Variants in CACNB2 observed in about 807,000 individuals in gnomAD.
CACNB2 encodes calcium voltage-gated channel auxiliary subunit beta 2.
CACNB2 carries 42 observed loss-of-function variants against 73.3 expected under a neutral mutation model. The ratio of observed to expected loss-of-function variants is 0.57; its 90% CI spans 0.45 to 0.74. The LOEUF is 0.74. CACNB2 is among the 30% of genes least tolerant of loss of function. The pLI is 0.00. For missense variants in CACNB2, 940 were observed against 853.0 expected, an observed-to-expected ratio of 1.10 and a Z score of -1.27; for synonymous variants, 348 against 310.3, an observed-to-expected ratio of 1.12 and a Z score of -1.28.
intron 3 of CACNB2, 94 bp from the exon 4 acceptor site, chr10:18,498,261 A>C: frequency 7.0e-7 from 1 of 1,438,256 alleles, no homozygotes; most frequent in Non-Finnish European, 9.7e-7. Flanking sequence ...CAATGATTAC[A>C]GTAGTTATTC....
At position 18,541,281 on chromosome 10, in the gene CACNB2, T is replaced by C. The variant is rs1213060456; in HGVS notation, c.*1557T>C. The C allele has an allele frequency of 1.3e-5, 2 of 152,624 alleles. No homozygotes were observed. Among genetic ancestry groups the C allele is most frequent in the African/African-American group, 4.8e-5 (2 of 41,456 alleles). 9.5% of individuals were successfully genotyped at this position (152,624 alleles called of 1,614,324 possible). ...AGAAATCAGGGCAAAATGGGGTGAC[T>C]TGAAGTGAATAAAATGTTAAGAATA... On this transcript the variant is annotated 3_prime_UTR_variant, in exon 14 of 14. Transcript: ENST00000324631.
chr10:18,406,778 C>T (rs1289812553), intron 3 of CACNB2, among the ~76,000 whole-genome samples: 1 of 152,106 alleles, frequency 6.6e-6, no homozygotes, highest in Non-Finnish European at 1.5e-5. Flanking sequence ...GTCCATGGAA[C>T]AATTGTTTTC....
intron 2 of CACNB2, among the ~76,000 whole-genome samples, chr10:18,222,716 C>T (rs1406817061): frequency 2.0e-5 from 3 of 152,148 alleles, no homozygotes; most frequent in Non-Finnish European, 2.9e-5. Context: ...GTGAGTGGAT[C>T]GTCTGAGTTC....
At chr10:18,169,023 A>G (rs531733134) in intron 2 of CACNB2, among the ~76,000 whole-genome samples, 2 of 152,278 alleles carry the variant, frequency 1.3e-5, no homozygotes, top group East Asian at 3.9e-4. Context: ...CATCTTATTA[A>G]GTATACATAA....
intron 2 of CACNB2, among the ~76,000 whole-genome samples, chr10:18,294,536 T>C (rs142355291): frequency 6.6e-6 from 1 of 152,330 alleles, no homozygotes; most frequent in African/African-American, 2.4e-5. Context: ...ACCTAAGTAG[T>C]ACATAAGATG....
chr10:18,206,407 C>G (rs1042575093), intron 2 of CACNB2: 1 of 152,562 alleles, frequency 6.6e-6, no homozygotes, highest in Non-Finnish European at 1.5e-5. Context: ...GGGCTATTGC[C>G]TGGGCATCCC....
intron 2 of CACNB2, among the ~76,000 whole-genome samples, chr10:18,190,064 G>A (rs747986822): frequency 5.3e-5 from 8 of 152,142 alleles, no homozygotes; most frequent in Admixed American, 1.3e-4. Flanking sequence ...ATGTGCTATG[G>A]ACAAAGAAGC....
intron 2 of CACNB2, among the ~76,000 whole-genome samples, chr10:18,235,444 C>G (rs1334824513): frequency 2.0e-5 from 3 of 152,176 alleles, no homozygotes; most frequent in East Asian, 3.8e-4. Context: ...GGAGACAAAG[C>G]AAGACCCTGT....
chr10:18,346,654 CG>C (rs2041469785), intron 2 of CACNB2, among the ~76,000 whole-genome samples: 2 of 151,904 alleles, frequency 1.3e-5, no homozygotes, highest in South Asian at 4.2e-4. Flanking sequence ...TGGAGTGCAG[CG>C]ATATGATCTC....
intron 2 of CACNB2, among the ~76,000 whole-genome samples, chr10:18,289,281 C>CTTTTTTTTTTTTTT (rs1564407541): frequency 2.1e-5 from 2 of 96,942 alleles, no homozygotes; most frequent in Non-Finnish European, 3.9e-5. Flanking sequence ...ATTTTTTTTT[C>CTTTTTTTTTTTTTT]TTGTTTTTTT....
At chr10:18,190,225 A>C (rs2131262248) in intron 2 of CACNB2, among the ~76,000 whole-genome samples, 1 of 152,314 alleles carries the variant, frequency 6.6e-6, no homozygotes, top group East Asian at 1.9e-4. Context: ...CCTATGACCC[A>C]CAGGCAAGGA....
At chr10:18,448,479 TA>T (rs56255761) in intron 3 of CACNB2, among the ~76,000 whole-genome samples, 33,953 of 106,562 alleles carry the variant, frequency 0.32, 4,805 homozygotes, top group East Asian at 0.51. Context: ...CTCTCTCATT[TA>T]AAAAAAAAAA....
At chr10:18,405,879 C>A (rs140474236) in intron 3 of CACNB2, among the ~76,000 whole-genome samples, 1 of 152,004 alleles carries the variant, frequency 6.6e-6, no homozygotes, top group Non-Finnish European at 1.5e-5. Context: ...AATCACTTGA[C>A]GCTGGGAGGG....
At chr10:18,310,465 C>T (rs371450629) in intron 2 of CACNB2, among the ~76,000 whole-genome samples, 4 of 150,636 alleles carry the variant, frequency 2.7e-5, no homozygotes, top group Non-Finnish European at 3.0e-5. Context: ...ATTAGCTGGG[C>T]GTGGTGGTGG....
rs9943370 is a variant in CACNB2 at position 18,494,830 on chromosome 10, G to A, written c.334-3525G>A. The stretch of plus-strand genomic sequence containing the variant: ...AAGACTACATCCTTAGGAGGCTGAG[G>A]GGGGAGGATTACTTGAGGCCAGGAG... On this transcript the variant is annotated intron_variant, in intron 3 of 13. Transcript: ENST00000324631. Among the ~76,000 whole-genome samples the A allele has an allele frequency of 2.2e-3, 333 of 152,020 alleles. 1 individual carries two copies. Among genetic ancestry groups the A allele is most frequent in the African/African-American group, 7.8e-3 (324 of 41,472 alleles).
At chr10:18,475,968 G>T (rs990120692) in intron 3 of CACNB2, among the ~76,000 whole-genome samples, 7 of 152,172 alleles carry the variant, frequency 4.6e-5, no homozygotes, top group African/African-American at 1.7e-4. Context: ...TAAGGTGAAA[G>T]CAATTTGTTA....
At chr10:18,209,948 G>C (rs2035250359) in intron 2 of CACNB2, among the ~76,000 whole-genome samples, 1 of 152,168 alleles carries the variant, frequency 6.6e-6, no homozygotes, top group Admixed American at 6.5e-5. Context: ...TGGATGTCTA[G>C]ATTTTGAAAT....
intron 2 of CACNB2, among the ~76,000 whole-genome samples, chr10:18,165,557 C>T (rs576877571): frequency 5.9e-5 from 9 of 152,174 alleles, no homozygotes; most frequent in African/African-American, 1.9e-4. Flanking sequence ...GGACTCCAGG[C>T]GTATGTCACC....
chr10:18,517,056 G>C (rs1417822024), intron 7 of CACNB2, among the ~76,000 whole-genome samples: 1 of 152,188 alleles, frequency 6.6e-6, no homozygotes. Flanking sequence ...AGAAAAGTTT[G>C]TAATGGGCAA....
Sources: allele counts gnomAD v4.1 joint callset (sites outside exome capture counted in the v4.1 genomes callset), GRCh38; gene constraint gnomAD v4.1.1; transcripts MANE v1.5; gene names NCBI Gene and HGNC (gene_info 2026-07-23, HGNC 2026-07-21).